Variants in GRIK2 observed in about 807,000 individuals in gnomAD.
GRIK2 encodes glutamate receptor ionotropic, kainate 2.
In GRIK2, 32 loss-of-function variants were observed where a neutral mutation model predicts 100.3. That is an observed-to-expected ratio of 0.32 (90% CI 0.24 to 0.43). GRIK2 has a LOEUF of 0.43. GRIK2 is among the 20% of genes least tolerant of loss of function. GRIK2 has a pLI of 1.00. For synonymous variants in GRIK2, 417 were observed against 389.4 expected (o/e 1.07, Z -0.83); for missense variants, 843 against 1,114.9 (o/e 0.76, Z 3.47).
intron 7 of GRIK2, among the ~76,000 whole-genome samples, chr6:101,733,794 A>C (rs185127177): frequency 1.2e-3 from 173 of 149,790 alleles, no homozygotes; most frequent in Non-Finnish European, 2.0e-3. Flanking sequence ...CTTTGCTTAG[A>C]AATCTCCTCA....
At position 101,723,233 on chromosome 6, in the gene GRIK2, C is replaced by T. The variant is rs188214783; in HGVS notation, c.951+36880C>T. On this transcript the variant is annotated intron_variant, in intron 7 of 16. Transcript: ENST00000369134. ...CATGTCAAAGATTTATCTTTTTTTT[C>T]TCCAGGCATAGTGTTTCACAAAAAA... Among the ~76,000 whole-genome samples the T allele has an allele frequency of 4.5e-3, 687 of 151,916 alleles. 12 individuals carry two copies. Among genetic ancestry groups the T allele is most frequent in the Admixed American group, 0.043 (647 of 15,220 alleles).
intron 6 of GRIK2, among the ~76,000 whole-genome samples, chr6:101,682,839 T>C (rs577111723): frequency 6.6e-6 from 1 of 152,324 alleles, no homozygotes; most frequent in East Asian, 1.9e-4. Flanking sequence ...CTTATTTTTA[T>C]GTTGCTTTAG....
At chr6:101,758,022 A>G (rs1023294804) in intron 7 of GRIK2, among the ~76,000 whole-genome samples, 5 of 152,194 alleles carry the variant, frequency 3.3e-5, no homozygotes, top group Admixed American at 2.6e-4. Context: ...GAGTCCAGGA[A>G]TTTTGAGACC....
At chr6:101,890,632 G>A (rs190126378) in intron 12 of GRIK2, among the ~76,000 whole-genome samples, 3 of 151,366 alleles carry the variant, frequency 2.0e-5, no homozygotes, top group East Asian at 3.9e-4. Context: ...TTTAATAGTG[G>A]CCTTTAAAAT....
intron 14 of GRIK2, among the ~76,000 whole-genome samples, chr6:102,022,101 TTTTC>T (rs1429183818): frequency 4.0e-5 from 6 of 150,158 alleles, no homozygotes; most frequent in Admixed American, 2.0e-4. Context: ...AATTCATTCT[TTTTC>T]TTTCCTTTTA....
chr6:101,903,157 C>CT (rs2128462375), intron 12 of GRIK2, among the ~76,000 whole-genome samples: 1 of 152,028 alleles, frequency 6.6e-6, no homozygotes, highest in African/African-American at 2.4e-5. Flanking sequence ...GATGCTTCCT[C>CT]TCTGTATATC....
intron 2 of GRIK2, among the ~76,000 whole-genome samples, chr6:101,570,070 C>T (rs2128298686): frequency 6.6e-6 from 1 of 152,140 alleles, no homozygotes; most frequent in East Asian, 1.9e-4. Context: ...GCAAAAACTG[C>T]TTAAGACTGT....
chr6:101,574,496 G>T (rs1777708998), intron 2 of GRIK2, among the ~76,000 whole-genome samples: 2 of 151,064 alleles, frequency 1.3e-5, no homozygotes, highest in South Asian at 4.2e-4. Flanking sequence ...AAACAAACAT[G>T]TAAATGAAGA....
Position 101,907,908 on chromosome 6 carries a change from T to C in GRIK2, c.1749-16693T>C, listed in dbSNP as rs1443585732. The stretch of plus-strand genomic sequence containing the variant: ...TAAGTAGACACTAATCTTTGTGCAT[T>C]CACTCACTGTTTTTCAGGGTCTTTG... On this transcript the variant is annotated intron_variant, in intron 12 of 16. Transcript: ENST00000369134. Among the ~76,000 whole-genome samples, 9 of 151,710 alleles carry C rather than the reference T, an allele frequency of 5.9e-5. No individual in the cohort carries two copies. In the South Asian group the frequency reaches 1.9e-3, roughly 31 times the overall value.
chr6:101,531,392 G>A (rs1418452215), intron 2 of GRIK2, among the ~76,000 whole-genome samples: 1 of 151,854 alleles, frequency 6.6e-6, no homozygotes, highest in Non-Finnish European at 1.5e-5. Flanking sequence ...ACTGATTATA[G>A]GCGCTCAAAA....
intron 14 of GRIK2, among the ~76,000 whole-genome samples, chr6:101,971,007 C>T (rs111532885): frequency 2.0e-5 from 3 of 150,832 alleles, no homozygotes; most frequent in Admixed American, 6.6e-5. Flanking sequence ...GTAGGAAAGG[C>T]AGATGATTTC....
chr6:101,931,032 T>C (rs1790241936), intron 14 of GRIK2, among the ~76,000 whole-genome samples: 1 of 152,188 alleles, frequency 6.6e-6, no homozygotes, highest in Non-Finnish European at 1.5e-5. Context: ...TGCTGAGTTC[T>C]ATTTTCCTAC....
At chr6:101,571,025 A>G (rs530042154) in intron 2 of GRIK2, among the ~76,000 whole-genome samples, 2 of 151,354 alleles carry the variant, frequency 1.3e-5, no homozygotes, top group Admixed American at 6.6e-5. Context: ...ATTTTTCTGT[A>G]GAGTTTGATT....
At chr6:101,584,046 A>G (rs1340612563) in intron 2 of GRIK2, among the ~76,000 whole-genome samples, 1 of 152,070 alleles carries the variant, frequency 6.6e-6, no homozygotes, top group Non-Finnish European at 1.5e-5. Context: ...CATGTGCATA[A>G]ATACAAAGGT....
At chr6:101,399,742 G>A (rs571625679) in intron 2 of GRIK2, among the ~76,000 whole-genome samples, 1 of 152,274 alleles carries the variant, frequency 6.6e-6, no homozygotes, top group South Asian at 2.1e-4. Context: ...CGCGGTCCGC[G>A]CAAAAGTGCG....
chr6:101,507,754 T>G (rs1401538795), intron 2 of GRIK2, among the ~76,000 whole-genome samples: 1 of 152,136 alleles, frequency 6.6e-6, no homozygotes, highest in Non-Finnish European at 1.5e-5. Context: ...TAAAGCTGCT[T>G]TTAAAGAGCA....
At chr6:101,692,275 G>A (rs1772165671) in intron 7 of GRIK2, among the ~76,000 whole-genome samples, 2 of 151,906 alleles carry the variant, frequency 1.3e-5, no homozygotes, top group Admixed American at 1.3e-4. Flanking sequence ...TTTTTAAATT[G>A]GTGAAGCATT....
At chr6:101,792,308 G>A (rs1306083681) in intron 7 of GRIK2, among the ~76,000 whole-genome samples, 2 of 152,006 alleles carry the variant, frequency 1.3e-5, no homozygotes, top group Middle Eastern at 3.2e-3. Context: ...AGTCTCGATG[G>A]TCTTTACGTT....
At chr6:102,032,512 T>C (rs1055307164) in intron 14 of GRIK2, among the ~76,000 whole-genome samples, 1 of 151,080 alleles carries the variant, frequency 6.6e-6, no homozygotes. Flanking sequence ...TCACCTTCAT[T>C]ACTCCTTATT....
Sources: gnomAD v4.1 joint callset for allele counts (sites outside exome capture counted in the v4.1 genomes callset) on GRCh38, gnomAD v4.1.1 for gene constraint, MANE v1.5 for transcripts, NCBI Gene and HGNC (gene_info 2026-07-23, HGNC 2026-07-21) for gene names.